The following SCRT2 variants were observed in gnomAD, a reference collection of about 807,000 sequenced individuals.
SCRT2 encodes scratch family transcriptional repressor 2, also known as transcriptional repressor scratch 2.
Under a neutral mutation model 3.7 loss-of-function variants are expected in SCRT2, and 2 were observed. The observed-to-expected ratio is 0.54, with a 90% confidence interval of 0.22 to 1.70. The LOEUF (loss-of-function observed/expected upper bound fraction) is 1.70. Ranked by LOEUF, SCRT2 falls within the 40% of genes most tolerant of loss-of-function variation. SCRT2 has a pLI of 0.19. For missense variants in SCRT2, 456 were observed against 468.5 expected (o/e 0.97, Z 0.25); for synonymous variants, 256 against 220.6 (o/e 1.16, Z -1.42).
Position 667,899 on chromosome 20 carries a change from C to T in SCRT2, c.134-3438G>A, listed in dbSNP as rs968288979. Among the ~76,000 whole-genome samples, 1 of 152,138 alleles carries T rather than the reference C, an allele frequency of 6.6e-6. No individual in the cohort carries two copies. The highest frequency in any genetic ancestry group is 1.5e-5 in the Non-Finnish European group (1 of 68,026). ...GGAATCTATACATGACAAAGATGGACTGGAATGGTCTAAAGACCCTTTCTG... is the reference window on the plus strand; with the variant it reads ...GGAATCTATACATGACAAAGATGGATTGGAATGGTCTAAAGACCCTTTCTG... On this transcript the variant is annotated intron_variant, in intron 1 of 1. Transcript: ENST00000246104. This position sits in a 1 kb window ranked among gnomAD's most constrained non-coding sequence, Gnocchi z 4.4.
Position 663,683 on chromosome 20 carries a change from G to GA in SCRT2, c.911_912insT (p.Ala306GlyfsTer84). The GA allele has an allele frequency of 6.6e-7, 1 of 1,506,804 alleles. No homozygotes were observed. The highest frequency in any genetic ancestry group is 8.8e-7 in the Non-Finnish European group (1 of 1,130,288). The allele number at this position is 1,506,804 out of a possible 1,614,324, so 93.3% of individuals were successfully genotyped here. A position where few individuals can be genotyped will look rare whatever the true frequency, so the allele number is the denominator to read the frequency against. On this transcript the variant is annotated frameshift_variant, in exon 2 of 2. Coordinates refer to ENST00000246104, the MANE Select transcript of SCRT2 (RefSeq NM_033129.4). LOFTEE classifies it high-confidence loss of function. The surrounding 1 kb of genome is among the most constrained non-coding windows in gnomAD (Gnocchi z 6.9). ...CGAGGCGGAAGGCTCAGCTGGCCGG[G>GA]CCGGCGGGGGTCGGCGGGGGTGGCT...
At position 662,208 on chromosome 20, in the gene SCRT2, C is replaced by T. The variant is rs181992370; in HGVS notation, c.*1463G>A. ...ACATGGCCGGGAGAGAGCGCCCCTC[C>T]CGGGGAGCAGGCCAGAGGCCCCAGC... is the stretch of plus-strand genomic sequence containing the variant. On this transcript the variant is annotated 3_prime_UTR_variant, in exon 2 of 2. Coordinates refer to ENST00000246104, the MANE Select transcript of SCRT2 (RefSeq NM_033129.4). 3.4e-3 allele frequency: 520 copies of T among 152,854 alleles called. 3 individuals carry two copies. Among genetic ancestry groups the T allele is most frequent in the Non-Finnish European group, 5.3e-3 (364 of 68,092 alleles). 9.5% of individuals were successfully genotyped at this position (152,854 alleles called of 1,614,324 possible).
At position 675,392 on chromosome 20, in the gene SCRT2, C is replaced by G; in HGVS notation, c.133+77G>C. On this transcript the variant is annotated intron_variant, in intron 1 of 1. Transcript: ENST00000246104. This position sits in a 1 kb window ranked among gnomAD's most constrained non-coding sequence, Gnocchi z 6.9. ...GTTTCCTGTCGCACGCGCCCCTCCT[C>G]GTGGCCCAAGCTGGGGAGGGCCCCA... The G allele has an allele frequency of 8.4e-7, 1 of 1,192,882 alleles. No homozygotes were observed. The allele number at this position is 1,192,882 out of a possible 1,614,324, so 73.9% of individuals were successfully genotyped here. A position where few individuals can be genotyped will look rare whatever the true frequency, so the allele number is the denominator to read the frequency against.
rs747898431 is a variant in SCRT2, at chr20:663,684, CCGGCGGGGGT to C, written c.901_910del (p.Thr301AlafsTer41). 6.8e-4 allele frequency: 1,029 copies of C among 1,506,682 alleles called. 3 individuals carry two copies. Among genetic ancestry groups the C allele is most frequent in the Non-Finnish European group, 8.4e-4 (945 of 1,130,292 alleles). The allele number at this position is 1,506,682 out of a possible 1,614,324, so 93.3% of individuals were successfully genotyped here. On this transcript the variant is annotated frameshift_variant, in exon 2 of 2. Transcript: ENST00000246104. LOFTEE classifies it high-confidence loss of function. This position sits in a 1 kb window ranked among gnomAD's most constrained non-coding sequence, Gnocchi z 6.9. Reference sequence around the variant, plus strand: ...GAGGCGGAAGGCTCAGCTGGCCGGGCCGGCGGGGGTCGGCGGGGGTGGCTCGGCCGCCTTG... The same window carrying C: ...GAGGCGGAAGGCTCAGCTGGCCGGGCCGGCGGGGGTGGCTCGGCCGCCTTG...
intron 1 of SCRT2, among the ~76,000 whole-genome samples, chr20:669,520 G>T (rs8116730): frequency 6.6e-6 from 1 of 152,146 alleles, no homozygotes; most frequent in East Asian, 1.9e-4. Context: ...TCACCTCTCT[G>T]TCCTAAAATG....
chr20:672,404 T>C (rs879694377), intron 1 of SCRT2, among the ~76,000 whole-genome samples: 4 of 140,196 alleles, frequency 2.9e-5, no homozygotes, highest in Admixed American at 6.8e-5. Context: ...TGTGTGTGTG[T>C]GTGTGTGTGT....
At position 667,106 on chromosome 20, in the gene SCRT2, T is replaced by C. The variant is rs1476628998; in HGVS notation, c.134-2645A>G. ...ATTTGGCCTCTGTGTGACTCTACCG[T>C]TTCAGTAAGGGGTCTGCCAGTAAAC... On this transcript the variant is annotated intron_variant, in intron 1 of 1. Transcript: ENST00000246104. The surrounding 1 kb of genome is among the most constrained non-coding windows in gnomAD (Gnocchi z 4.4). 1.3e-5 allele frequency among the ~76,000 whole-genome samples: 2 copies of C among 152,090 alleles called. No individual in the cohort carries two copies. Among genetic ancestry groups the C allele is most frequent in the Non-Finnish European group, 2.9e-5 (2 of 68,022 alleles).
chr20:675,689 T>G lies in SCRT2; in HGVS notation c.-88A>C. ...GCGCGGGTTTTCAGCACTGGACAGC[T>G]CCCAGCGGGCTGGAGCGCGGGAGGC... On this transcript the variant is annotated 5_prime_UTR_variant, in exon 1 of 2. Coordinates refer to ENST00000246104, the MANE Select transcript of SCRT2 (RefSeq NM_033129.4). The surrounding 1 kb of genome is among the most constrained non-coding windows in gnomAD (Gnocchi z 6.9). 4.1e-6 allele frequency: 4 copies of G among 971,628 alleles called. No individual in the cohort carries two copies. Among genetic ancestry groups the G allele is most frequent in the Non-Finnish European group, 5.2e-6 (4 of 761,960 alleles). The allele number at this position is 971,628 out of a possible 1,614,324, so 60.2% of individuals were successfully genotyped here.
chr20:672,465 C>T (rs923407879), intron 1 of SCRT2, among the ~76,000 whole-genome samples: 3 of 151,732 alleles, frequency 2.0e-5, no homozygotes, highest in Non-Finnish European at 4.4e-5. Context: ...CAGGAGTCCT[C>T]CAGGAATTCT....
In SCRT2 at chr20:671,839, G is replaced by A. The variant is rs1033119014; in HGVS notation, c.133+3630C>T. Among the ~76,000 whole-genome samples, 7 of 152,196 alleles carry A rather than the reference G, an allele frequency of 4.6e-5. No homozygotes were observed. In the South Asian group the frequency reaches 8.3e-4, roughly 18 times the overall value. On this transcript the variant is annotated intron_variant, in intron 1 of 1. Transcript: ENST00000246104. ...AGAGGGCAGGAGGGCAGGACAGGGC[G>A]GGGATGCAGAGGAAGGGGGGCCTGG...
chr20:663,968 G>A lies in SCRT2; in HGVS notation c.627C>T (p.Asn209=). ...PALAMHLLTH[N]LRHKCGVCGK... Reference sequence around the variant, plus strand: ...CGCAGACGCCGCACTTGTGGCGCAGGTTGTGCGTGAGCAGGTGCATGGCGA... The same window carrying A: ...CGCAGACGCCGCACTTGTGGCGCAGATTGTGCGTGAGCAGGTGCATGGCGA... Residue 209 remains asparagine (N), a synonymous_variant, in exon 2 of 2, where the codon AAC becomes AAT. Transcript: ENST00000246104. This position sits in a 1 kb window ranked among gnomAD's most constrained non-coding sequence, Gnocchi z 6.9. 6.2e-7 allele frequency: 1 copy of A among 1,610,674 alleles called. No homozygotes were observed. Among genetic ancestry groups the A allele is most frequent in the Non-Finnish European group, 8.5e-7 (1 of 1,179,622 alleles).
At chr20:669,316 C>G (rs1984256890) in intron 1 of SCRT2, among the ~76,000 whole-genome samples, 1 of 152,228 alleles carries the variant, frequency 6.6e-6, no homozygotes, top group South Asian at 2.1e-4. Context: ...AGGTCACTTC[C>G]CTCCATGCCC....
chr20:668,697 C>T (rs1984234496), intron 1 of SCRT2, among the ~76,000 whole-genome samples: 1 of 152,186 alleles, frequency 6.6e-6, no homozygotes, highest in Non-Finnish European at 1.5e-5. Context: ...TTTCCCTGCC[C>T]AAGAGTCTTG....
rs1273245081 is a variant in SCRT2 at position 663,014 on chromosome 20, TG to T, written c.*656del. ...TGTGTGGGAGTGGGGTGTGGGGGTG[TG>T]TGTGTGTGTGAATGGCCAGACCTAA... On this transcript the variant is annotated 3_prime_UTR_variant, in exon 2 of 2. Transcript: ENST00000246104. The surrounding 1 kb of genome is among the most constrained non-coding windows in gnomAD (Gnocchi z 6.9). The T allele has an allele frequency of 1.3e-5, 2 of 152,228 alleles. No individual in the cohort carries two copies. The highest frequency in any genetic ancestry group is 4.8e-5 in the African/African-American group (2 of 41,270). The allele number at this position is 152,228 out of a possible 1,614,324, so 9.4% of individuals were successfully genotyped here. A position where few individuals can be genotyped will look rare whatever the true frequency, so the allele number is the denominator to read the frequency against.
chr20:671,287 A>G (rs753491), intron 1 of SCRT2, among the ~76,000 whole-genome samples: 11,813 of 152,278 alleles, frequency 0.078, 786 homozygotes, highest in East Asian at 0.27. Context: ...AGTTTGACGT[A>G]GGCATTGGAC....
At position 666,118 on chromosome 20, in the gene SCRT2, A is replaced by G. The variant is rs1984146152; in HGVS notation, c.134-1657T>C. ...CCAGCACAGGGCCCTCTGCACACAG[A>G]AGTCATTGTGGATTATGGAAGTGGA... is the stretch of plus-strand genomic sequence containing the variant. On this transcript the variant is annotated intron_variant, in intron 1 of 1. Transcript: ENST00000246104. This position sits in a 1 kb window ranked among gnomAD's most constrained non-coding sequence, Gnocchi z 4.4. Among the ~76,000 whole-genome samples, 1 of 152,154 alleles carries G rather than the reference A, an allele frequency of 6.6e-6. No homozygotes were observed.
Position 667,733 on chromosome 20 carries a change from T to A in SCRT2, c.134-3272A>T, listed in dbSNP as rs1204896964. On this transcript the variant is annotated intron_variant, in intron 1 of 1. Coordinates refer to ENST00000246104, the MANE Select transcript of SCRT2 (RefSeq NM_033129.4). The surrounding 1 kb of genome is among the most constrained non-coding windows in gnomAD (Gnocchi z 4.4). ...TGCAGAAGTGTCTTCAGGATAGGAA[T>A]TGTGAGCCCAGACCAGACACCCAGT... is the stretch of plus-strand genomic sequence containing the variant. Among the ~76,000 whole-genome samples the A allele has an allele frequency of 6.6e-6, 1 of 152,120 alleles. No individual in the cohort carries two copies. Among genetic ancestry groups the A allele is most frequent in the African/African-American group, 2.4e-5 (1 of 41,424 alleles).
At chr20:672,966 C>A (rs1984394258) in intron 1 of SCRT2, among the ~76,000 whole-genome samples, 1 of 152,098 alleles carries the variant, frequency 6.6e-6, no homozygotes, top group Admixed American at 6.5e-5. Context: ...GCACCCTCCA[C>A]CCGCCCAGGG....
Position 664,606 on chromosome 20 carries a change from TTCC to T in SCRT2, c.134-148_134-146del. ...TGGTCTCCGACCTGCACCTCAGCTC[TTCC>T]TGTCAGGCAGCCTGGGTTCAATTCC... On this transcript the variant is annotated intron_variant, in intron 1 of 1. Coordinates refer to ENST00000246104, the MANE Select transcript of SCRT2 (RefSeq NM_033129.4). This position sits in a 1 kb window ranked among gnomAD's most constrained non-coding sequence, Gnocchi z 7.9. The T allele has an allele frequency of 1.9e-6, 1 of 517,430 alleles. No individual in the cohort carries two copies. Among genetic ancestry groups the T allele is most frequent in the Non-Finnish European group, 3.0e-6 (1 of 334,788 alleles). The allele number at this position is 517,430 out of a possible 1,614,324, so 32.1% of individuals were successfully genotyped here. A position where few individuals can be genotyped will look rare whatever the true frequency, so the allele number is the denominator to read the frequency against.
Sources: allele counts gnomAD v4.1 joint callset (sites outside exome capture counted in the v4.1 genomes callset), GRCh38; gene constraint gnomAD v4.1.1; non-coding constraint Gnocchi (gnomAD v3.1); transcripts MANE v1.5; gene names NCBI Gene and HGNC (gene_info 2026-07-23, HGNC 2026-07-21).